MGMT: variants seen among roughly 807,000 people sequenced by gnomAD.
The protein encoded by MGMT is O-6-methylguanine-DNA methyltransferase.
In MGMT, 14 loss-of-function variants were observed where a neutral mutation model predicts 15.9. That is an observed-to-expected ratio of 0.88 (90% confidence interval 0.58 to 1.37). MGMT has a LOEUF of 1.37. Among genes scored for constraint, MGMT ranks in the 40% most tolerant of loss-of-function variants. The pLI, the probability that MGMT is intolerant of heterozygous loss-of-function variation, is 0.00. For missense variants in MGMT, 282 were observed against 268.1 expected (o/e 1.05, Z -0.36); for synonymous variants, 130 against 118.2 (o/e 1.10, Z -0.65).
At chr10:129,524,443 C>T (rs983500987) in intron 1 of MGMT, among the ~76,000 whole-genome samples, 22 of 152,250 alleles carry the variant, frequency 1.4e-4, no homozygotes, top group African/African-American at 5.1e-4. Context: ...TTTGCATACC[C>T]CCGACACTGG....
intron 2 of MGMT, among the ~76,000 whole-genome samples, chr10:129,650,860 C>T (rs1157249415): frequency 2.6e-5 from 4 of 152,184 alleles, no homozygotes; most frequent in Non-Finnish European, 5.9e-5. Context: ...AGGGCAGAGA[C>T]GGTTAGTCTC....
At chr10:129,671,528 G>A (rs1847723592) in intron 2 of MGMT, among the ~76,000 whole-genome samples, 1 of 152,078 alleles carries the variant, frequency 6.6e-6, no homozygotes, top group Non-Finnish European at 1.5e-5. Context: ...CAGTCAAGTG[G>A]GAGCAACTGA....
rs530752117 is a variant in MGMT, at chr10:129,740,692, C to T, written c.275-18510C>T. ...CAGGGACAGCAGCAGGCATGGGATG[C>T]CTGCAGAGAGGCTTTCAGGAGAGCG... is the stretch of plus-strand genomic sequence containing the variant. On this transcript the variant is annotated intron_variant, in intron 3 of 4. Transcript: ENST00000651593. Among the ~76,000 whole-genome samples the T allele has an allele frequency of 1.6e-3, 246 of 152,188 alleles. 3 individuals carry two copies. Among genetic ancestry groups the T allele is most frequent in the African/African-American group, 5.4e-3 (224 of 41,510 alleles).
At chr10:129,576,579 A>G (rs1445880079) in intron 2 of MGMT, among the ~76,000 whole-genome samples, 2 of 152,204 alleles carry the variant, frequency 1.3e-5, no homozygotes, top group African/African-American at 2.4e-5. Flanking sequence ...AGCCAATATC[A>G]TACTGAATGG....
At chr10:129,521,678 G>A (rs533690955) in intron 1 of MGMT, among the ~76,000 whole-genome samples, 26 of 152,280 alleles carry the variant, frequency 1.7e-4, no homozygotes, top group African/African-American at 5.8e-4. Context: ...TGGAGGGAGC[G>A]TCTACCTGCT....
intron 2 of MGMT, among the ~76,000 whole-genome samples, chr10:129,593,898 A>AG (rs994478672): frequency 5.9e-5 from 9 of 152,226 alleles, no homozygotes; most frequent in African/African-American, 2.2e-4. Context: ...GTGGGAGCAG[A>AG]GGAGGAGTTC....
At chr10:129,482,478 A>C (rs12766142) in intron 1 of MGMT, among the ~76,000 whole-genome samples, 15,686 of 152,142 alleles carry the variant, frequency 0.1, 981 homozygotes, top group Non-Finnish European at 0.13. Flanking sequence ...TTGTTTCCCT[A>C]TTCTAAAAAT....
At chr10:129,516,560 C>T (rs1200406096) in intron 1 of MGMT, among the ~76,000 whole-genome samples, 1 of 152,182 alleles carries the variant, frequency 6.6e-6, no homozygotes, top group South Asian at 2.1e-4. Flanking sequence ...GAATCAAAAC[C>T]GTGTAGCACG....
At chr10:129,609,833 C>T (rs1846938919) in intron 2 of MGMT, among the ~76,000 whole-genome samples, 1 of 152,092 alleles carries the variant, frequency 6.6e-6, no homozygotes, top group South Asian at 2.1e-4. Flanking sequence ...TGGGGGGACA[C>T]CACCACGGGA....
intron 2 of MGMT, among the ~76,000 whole-genome samples, chr10:129,677,166 A>G (rs917436473): frequency 1.7e-4 from 16 of 92,128 alleles, no homozygotes; most frequent in African/African-American, 4.4e-4. Context: ...CATGAAACAC[A>G]TGTGTTTTTT....
chr10:129,486,399 G>C (rs2119645876), intron 1 of MGMT, among the ~76,000 whole-genome samples: 1 of 152,216 alleles, frequency 6.6e-6, no homozygotes, highest in East Asian at 1.9e-4. Context: ...ACGTTGGCCA[G>C]GCTATTCTCG....
intron 1 of MGMT, among the ~76,000 whole-genome samples, chr10:129,491,527 G>T (rs1202620408): frequency 6.6e-6 from 1 of 151,994 alleles, no homozygotes; most frequent in Admixed American, 6.6e-5. Flanking sequence ...TTCAAATATT[G>T]CTCTGCCTCA....
intron 1 of MGMT, among the ~76,000 whole-genome samples, chr10:129,476,785 CCTG>C (rs1266386456): frequency 6.6e-6 from 1 of 152,176 alleles, no homozygotes; most frequent in Non-Finnish European, 1.5e-5. Flanking sequence ...CTCAGGGTGT[CCTG>C]CACGCCCACA....
chr10:129,666,226 T>G (rs1235037005), intron 2 of MGMT, among the ~76,000 whole-genome samples: 5 of 152,228 alleles, frequency 3.3e-5, no homozygotes, highest in Non-Finnish European at 7.4e-5. Context: ...ACTATTTCAG[T>G]GTTCTAGATC....
chr10:129,653,274 A>G (rs1412225249), intron 2 of MGMT, among the ~76,000 whole-genome samples: 1 of 152,218 alleles, frequency 6.6e-6, no homozygotes, highest in African/African-American at 2.4e-5. Flanking sequence ...AAAAAGTTAA[A>G]TCATATAGGC....
At chr10:129,703,198 CAG>C (rs773232652) in intron 2 of MGMT, among the ~76,000 whole-genome samples, 6 of 152,130 alleles carry the variant, frequency 3.9e-5, no homozygotes, top group Non-Finnish European at 8.8e-5. Context: ...CAGAGTAAAT[CAG>C]AGGTTGAGAT....
intron 3 of MGMT, among the ~76,000 whole-genome samples, chr10:129,731,394 G>T (rs1228758611): frequency 1.6e-5 from 2 of 121,318 alleles, no homozygotes; most frequent in Admixed American, 2.3e-4. Flanking sequence ...ACGGAGTCTC[G>T]CTCTGTTGCC....
chr10:129,728,396 T>C (rs1340282005), intron 3 of MGMT, among the ~76,000 whole-genome samples: 1 of 152,076 alleles, frequency 6.6e-6, no homozygotes, highest in East Asian at 1.9e-4. Context: ...GCTGATGTGG[T>C]GTGACCAGAG....
chr10:129,742,897 A>G (rs1211720120), intron 3 of MGMT, among the ~76,000 whole-genome samples: 4 of 148,292 alleles, frequency 2.7e-5, no homozygotes, highest in African/African-American at 7.5e-5. Flanking sequence ...GGGCCGGGGC[A>G]TTCAGCACTG....
Sources: allele counts gnomAD v4.1 joint callset (sites outside exome capture counted in the v4.1 genomes callset), GRCh38; gene constraint gnomAD v4.1.1; transcripts MANE v1.5; gene names NCBI Gene and HGNC (gene_info 2026-07-23, HGNC 2026-07-21).